Variants in ZFP64 observed in about 807,000 individuals in gnomAD.
The protein encoded by ZFP64 is ZFP64 zinc finger protein, also known as zinc finger protein 64.
A neutral mutation model predicts 51.6 loss-of-function variants in ZFP64; 14 were observed. The ratio of observed to expected loss-of-function variants is 0.27; its 90% CI spans 0.18 to 0.42. ZFP64 has a LOEUF of 0.42. Among genes scored for constraint, ZFP64 ranks in the 10% least tolerant of loss-of-function variants. The probability of loss-of-function intolerance (pLI) is 1.00; values close to 1 mark genes in which losing one functional copy is unlikely to be tolerated. For missense variants in ZFP64, 754 were observed against 906.8 expected (o/e 0.83, Z 2.16); for synonymous variants, 375 against 361.4 (o/e 1.04, Z -0.43).
At chr20:52,120,805 T>TA (rs1231495201) in intron 5 of ZFP64, among the ~76,000 whole-genome samples, 2 of 151,286 alleles carry the variant, frequency 1.3e-5, no homozygotes, top group Admixed American at 6.6e-5. Flanking sequence ...GCCTCCCTAG[T>TA]AGCTGGGATT....
rs905645586 is a variant in ZFP64 at position 52,191,732 on chromosome 20, C to G, written c.-96G>C. 2 of 1,384,116 alleles carry G rather than the reference C, an allele frequency of 1.4e-6. No individual in the cohort carries two copies. Among genetic ancestry groups the G allele is most frequent in the African/African-American group, 1.5e-5 (1 of 67,268 alleles). 85.7% of individuals were successfully genotyped at this position (1,384,116 alleles called of 1,614,324 possible). On this transcript the variant is annotated 5_prime_UTR_variant, in exon 1 of 6. Transcript: ENST00000216923. The surrounding 1 kb of genome is among the most constrained non-coding windows in gnomAD (Gnocchi z 4.3). ...GACTTTTCCTTTTATTTTTCCACAC[C>G]CCCCACCCTGCCTTCTCCCAACTCT...
chr20:52,142,377 GACACACACACAC>G lies in ZFP64; in HGVS notation c.763+17734_763+17745del, dbSNP rs142317072. On this transcript the variant is annotated intron_variant, in intron 5 of 8. Coordinates refer to the ZFP64 transcript ENST00000361387. ...AGTGAGACTTCATCACACACACACA[GACACACACACAC>G]ACACACACACACACACACACACACA... Among the ~76,000 whole-genome samples, 219 of 118,468 alleles carry G rather than the reference GACACACACACAC, an allele frequency of 1.8e-3. 1 individual carries two copies. The highest frequency in any genetic ancestry group is 3.2e-3 in the Non-Finnish European group (174 of 54,418). The allele number at this position is 118,468 out of a possible 152,430, so 77.7% of individuals were successfully genotyped here. A position where few individuals can be genotyped will look rare whatever the true frequency, so the allele number is the denominator to read the frequency against.
chr20:52,117,638 C>T (rs757434121), intron 5 of ZFP64: 1 of 456,396 alleles, frequency 2.2e-6, no homozygotes, highest in Non-Finnish European at 4.4e-6. Flanking sequence ...CAAAACAAAA[C>T]ACAAAAAAGA....
intron 2 of ZFP64, among the ~76,000 whole-genome samples, chr20:52,170,174 G>A (rs973027908): frequency 2.2e-4 from 34 of 152,044 alleles, no homozygotes; most frequent in Non-Finnish European, 2.9e-5. Flanking sequence ...GCAAAGGGCC[G>A]GGCGTGGTGG....
rs373805422 is a variant in ZFP64 at position 52,097,344 on chromosome 20, C to G, written c.976+29G>C. 6.5e-4 allele frequency: 1,037 copies of G among 1,605,198 alleles called. 16 individuals are homozygous for G. The South Asian group carries it at 0.011, about 17-fold the overall frequency. Reference sequence around the variant, plus strand: ...TCACATTCACGTCCCATCTTTCTTACTGAGCTGTTGAACAGAATGGATACC... The same window carrying G: ...TCACATTCACGTCCCATCTTTCTTAGTGAGCTGTTGAACAGAATGGATACC... On this transcript the variant is annotated intron_variant, in intron 7 of 8. Transcript: ENST00000361387.
At position 52,119,576 on chromosome 20, in the gene ZFP64, A is replaced by AACACACACACACACACACAC. The variant is rs138828393; in HGVS notation, c.764-21009_764-20990dup. ...TATACATATATATATATACACACAC[A>AACACACACACACACACACAC]ACACACACACACACACACACACATA... On this transcript the variant is annotated intron_variant, in intron 5 of 8. Transcript: ENST00000361387. Among the ~76,000 whole-genome samples the AACACACACACACACACACAC allele has an allele frequency of 3.0e-5, 4 of 132,564 alleles. No individual in the cohort carries two copies. In the South Asian group the frequency reaches 9.5e-4, roughly 31 times the overall value. 87.0% of individuals were successfully genotyped at this position (132,564 alleles called of 152,430 possible).
chr20:52,157,664 T>C (rs942988668), intron 5 of ZFP64, among the ~76,000 whole-genome samples: 1 of 152,192 alleles, frequency 6.6e-6, no homozygotes, highest in Non-Finnish European at 1.5e-5. Context: ...TCTTCTATAC[T>C]ACTTTCTTTC....
At chr20:52,084,829 C>A in exon 9 of ZFP64, 1 of 1,614,084 alleles carries the variant, frequency 6.2e-7, no homozygotes, top group Non-Finnish European at 8.5e-7. Flanking sequence ...CCCAGAGGGG[C>A]CCGGTTCTCC....
chr20:52,158,487 C>T, intron 5 of ZFP64, among the ~76,000 whole-genome samples: 1 of 152,094 alleles, frequency 6.6e-6, no homozygotes, highest in Admixed American at 6.5e-5. Context: ...GGGTGGATTG[C>T]CTGAGCTCAG....
rs111956496 is a variant in ZFP64 at position 52,110,159 on chromosome 20, C to A, written c.764-11572G>T. 9.4e-3 allele frequency among the ~76,000 whole-genome samples: 1,428 copies of A among 152,282 alleles called. 31 individuals are homozygous for A. The highest frequency in any genetic ancestry group is 0.032 in the African/African-American group (1,348 of 41,538). ...GAGAAGTGCTCCAGCTATCCCCACACCAGCTAGAGACATCCCAAGCATGGC... is the reference window on the plus strand; with the variant it reads ...GAGAAGTGCTCCAGCTATCCCCACAACAGCTAGAGACATCCCAAGCATGGC... On this transcript the variant is annotated intron_variant, in intron 5 of 8. Transcript: ENST00000361387.
intron 7 of ZFP64, among the ~76,000 whole-genome samples, chr20:52,088,803 A>C (rs1314650722): frequency 1.3e-5 from 2 of 152,196 alleles, no homozygotes; most frequent in Admixed American, 1.3e-4. Flanking sequence ...TTGGGAAACA[A>C]GAATGTGTAT....
At chr20:52,178,357 T>G (rs1045485206) in intron 2 of ZFP64, among the ~76,000 whole-genome samples, 2 of 152,220 alleles carry the variant, frequency 1.3e-5, no homozygotes, top group Non-Finnish European at 2.9e-5. Context: ...ATTTAACCCC[T>G]CTGTGCCTCA....
At chr20:52,156,153 C>T (rs1159609920) in intron 5 of ZFP64, among the ~76,000 whole-genome samples, 1 of 152,194 alleles carries the variant, frequency 6.6e-6, no homozygotes, top group East Asian at 1.9e-4. Flanking sequence ...TGAAGCAAAT[C>T]AGTTGGGCGT....
chr20:52,107,392 A>T (rs1978334160), intron 5 of ZFP64, among the ~76,000 whole-genome samples: 1 of 152,122 alleles, frequency 6.6e-6, no homozygotes. Flanking sequence ...TTATTATGAT[A>T]TAATAAGTAC....
At chr20:52,095,141 C>T (rs1465791790) in intron 7 of ZFP64, among the ~76,000 whole-genome samples, 2 of 152,256 alleles carry the variant, frequency 1.3e-5, no homozygotes. Context: ...GTCAGAGACA[C>T]ACGCTGACCT....
rs1980798380 is a variant in ZFP64, at chr20:52,151,569, T to C, written c.*577A>G. The C allele has an allele frequency of 1.0e-6, 1 of 986,110 alleles. No individual in the cohort carries two copies. The highest frequency in any genetic ancestry group is 1.2e-6 in the Non-Finnish European group (1 of 830,536). The allele number at this position is 986,110 out of a possible 1,614,324, so 61.1% of individuals were successfully genotyped here. On this transcript the variant is annotated 3_prime_UTR_variant, in exon 6 of 6. Coordinates refer to ENST00000216923, the MANE Select transcript of ZFP64 (RefSeq NM_018197.3). ...GGAAACAAACACATGAATTCACTACTTAATGCATTTAATTCCAACCCCTCA... is the reference window on the plus strand; with the variant it reads ...GGAAACAAACACATGAATTCACTACCTAATGCATTTAATTCCAACCCCTCA...
chr20:52,147,744 G>A (rs1446644624), downstream of ZFP64, among the ~76,000 whole-genome samples: 10 of 152,128 alleles, frequency 6.6e-5, no homozygotes, highest in South Asian at 1.2e-3. Context: ...ACCGGGCACC[G>A]TGGCTCACAC....
chr20:52,191,672 G>A lies in ZFP64; in HGVS notation c.-36C>T, dbSNP rs374294065. The stretch of plus-strand genomic sequence containing the variant: ...TGGGAGGTCCCCGGCCGGCCGGGAT[G>A]CCAAAGTGGGGGACGCTGATCTACA... On this transcript the variant is annotated 5_prime_UTR_variant, in exon 1 of 6. Coordinates refer to ENST00000216923, the MANE Select transcript of ZFP64 (RefSeq NM_018197.3). This position sits in a 1 kb window ranked among gnomAD's most constrained non-coding sequence, Gnocchi z 4.3. The A allele has an allele frequency of 1.5e-5, 23 of 1,567,330 alleles. No individual in the cohort carries two copies. The African/African-American group carries it at 2.8e-4, about 19-fold the overall frequency.
At chr20:52,088,139 C>A (rs1440255222) in intron 8 of ZFP64, 28 of 546,380 alleles carry the variant, frequency 5.1e-5, no homozygotes, top group South Asian at 3.7e-4. Context: ...GGCTTCTTGG[C>A]AGTTATAGTG....
Sources: gnomAD v4.1 joint callset for allele counts (sites outside exome capture counted in the v4.1 genomes callset) on GRCh38, gnomAD v4.1.1 for gene constraint, Gnocchi (gnomAD v3.1) non-coding constraint, MANE v1.5 for transcripts, NCBI Gene and HGNC (gene_info 2026-07-23, HGNC 2026-07-21) for gene names.